Variants in PDZD4 observed in about 807,000 individuals in gnomAD.
The protein encoded by PDZD4 is PDZ domain-containing protein 4.
PDZD4 carries 9 observed loss-of-function variants against 38.5 expected under a neutral mutation model. The ratio of observed to expected loss-of-function variants is 0.23; its 90% CI spans 0.14 to 0.41. The LOEUF is 0.41. PDZD4 is among the 10% of genes least tolerant of loss of function. The pLI is 1.00. For synonymous variants in PDZD4, 349 were observed against 315.7 expected, an observed-to-expected ratio of 1.11 and a Z score of -1.12; for missense variants, 612 against 722.0, an observed-to-expected ratio of 0.85 and a Z score of 1.75.
At chrX:153,827,991 G>A (rs782240171) in intron 1 of PDZD4, among the ~76,000 whole-genome samples, 32 of 111,631 alleles carry the variant, frequency 2.9e-4, no homozygotes, top group Admixed American at 1.0e-3. Flanking sequence ...GATGGAAGGC[G>A]CTGCAGATGC....
chrX:153,804,324 C>T lies in PDZD4; in HGVS notation c.1357G>A (p.Glu453Lys). The part of the protein sequence containing the change: ...EESLYDLAAS[E>K]PKKHELSDIS... Reference sequence around the variant, plus strand: ...TCGGACAGCTCGTGCTTCTTGGGCTCGCTGGCCGCCAGGTCGTAGAGGCTC... The same window carrying T: ...TCGGACAGCTCGTGCTTCTTGGGCTTGCTGGCCGCCAGGTCGTAGAGGCTC... Residue 453 changes from glutamate to lysine, a missense_variant, in exon 8 of 8, where the codon GAG becomes AAG. Glu to Lys is a moderately conservative substitution (Grantham distance 56). Around this residue, in one of 3 missense-constraint regions of PDZD4, gnomAD observed 300 missense variants for 284.6 expected, o/e 1.05. Coordinates refer to ENST00000393758, the MANE Select transcript of PDZD4 (RefSeq NM_001303512.2). The T allele has an allele frequency of 8.3e-7, 1 of 1,207,122 alleles. No individual in the cohort carries two copies. The highest frequency in any genetic ancestry group is 3.0e-5 in the East Asian group (1 of 33,803).
intron 1 of PDZD4, among the ~76,000 whole-genome samples, chrX:153,818,980 C>T (rs1407533831): frequency 1.8e-5 from 2 of 112,536 alleles, no homozygotes; most frequent in African/African-American, 3.2e-5. Flanking sequence ...GGGCGGCGAT[C>T]TCCCGCTGGG....
In PDZD4 at chrX:153,803,845, G is replaced by A; in HGVS notation, c.1836C>T (p.Gly612=). The change falls in exon 8 of 8, where the codon GGC becomes GGT. Residue 612 remains glycine (G), a synonymous_variant. Coordinates refer to ENST00000393758, the MANE Select transcript of PDZD4 (RefSeq NM_001303512.2). ...LGHGPLSLAG[G]PRVGGVAAAA... ...CGGCCGCCACCCCGCCCACCCGAGGGCCACCGGCCAAGCTCAGGGGGCCGT... is the reference window on the plus strand; with the variant it reads ...CGGCCGCCACCCCGCCCACCCGAGGACCACCGGCCAAGCTCAGGGGGCCGT... The A allele has an allele frequency of 1.7e-6, 2 of 1,192,508 alleles. No homozygotes were observed. The highest frequency in any genetic ancestry group is 2.3e-6 in the Non-Finnish European group (2 of 888,040).
Position 153,804,690 on chromosome X carries a change from G to A in PDZD4, c.991C>T (p.Arg331Trp), listed in dbSNP as rs1557076245. 10 of 1,035,102 alleles carry A rather than the reference G, an allele frequency of 9.7e-6. No homozygotes were observed. Among genetic ancestry groups the A allele is most frequent in the East Asian group, 1.2e-4 (2 of 17,225 alleles). The allele number at this position is 1,035,102 out of a possible 1,213,427, so 85.3% of individuals were successfully genotyped here. A position where few individuals can be genotyped will look rare whatever the true frequency, so the allele number is the denominator to read the frequency against. The change falls in exon 8 of 8, where the codon CGG becomes TGG. Residue 331 changes from arginine to tryptophan, a missense_variant. Arg to Trp is a moderately radical substitution (Grantham distance 101). Coordinates refer to ENST00000393758, the MANE Select transcript of PDZD4 (RefSeq NM_001303512.2). The stretch of plus-strand genomic sequence containing the variant: ...GAGTCCATGCTGAAATGGAAGTCCC[G>A]GCTCTGCAGGGCGTCCCCTTGCAGG... ...FGLQGDALQS[R>W]DFHFSMDSLL... is the part of the protein sequence containing the mutation.
In PDZD4 at chrX:153,808,502, G is replaced by A. The variant is rs367722751; in HGVS notation, c.154C>T (p.Arg52Cys). 6.6e-6 allele frequency: 8 copies of A among 1,210,277 alleles called. No individual in the cohort carries two copies. Among genetic ancestry groups the A allele is most frequent in the Admixed American group, 2.2e-5 (1 of 46,015 alleles). ...CTGTCCCCCCGGAGGCGGGGGCTGC[G>A]TCTCAGCACCTGGATCACCAGGGGC... ...KEPLVIQVLR[R>C]SPRLRGDSSC... Residue 52 changes from arginine to cysteine, a missense_variant, in exon 2 of 8, where the codon CGC becomes TGC. Arg to Cys is a radical substitution (Grantham distance 180). Coordinates refer to ENST00000393758, the MANE Select transcript of PDZD4 (RefSeq NM_001303512.2).
chrX:153,804,918 G>A lies in PDZD4; in HGVS notation c.781-18C>T. On this transcript the variant is annotated intron_variant, in intron 7 of 7. Coordinates refer to ENST00000393758, the MANE Select transcript of PDZD4 (RefSeq NM_001303512.2). ...TTTCCGGGCTAGAGCAGAAAGGTAAGTACCGCTCAGTTAGGTCCCACGGAC... is the reference window on the plus strand; with the variant it reads ...TTTCCGGGCTAGAGCAGAAAGGTAAATACCGCTCAGTTAGGTCCCACGGAC... 8.4e-7 allele frequency: 1 copy of A among 1,190,753 alleles called. No homozygotes were observed. Among genetic ancestry groups the A allele is most frequent in the Middle Eastern group, 2.3e-4 (1 of 4,275 alleles).
chrX:153,821,654 T>C (rs782339212), intron 1 of PDZD4, among the ~76,000 whole-genome samples: 3 of 111,055 alleles, frequency 2.7e-5, no homozygotes, highest in African/African-American at 9.8e-5. Flanking sequence ...AGTGGCTCAG[T>C]CAGAAAGTGC....
At chrX:153,819,906 T>C (rs1211844409) in intron 1 of PDZD4, among the ~76,000 whole-genome samples, 1 of 112,212 alleles carries the variant, frequency 8.9e-6, no homozygotes, top group Non-Finnish European at 1.9e-5. Context: ...TACACACACA[T>C]GTGCAGAAGC....
chrX:153,808,417 T>C lies in PDZD4; in HGVS notation c.239A>G (p.His80Arg). The change falls in exon 2 of 8, where the codon CAT (histidine) becomes CGT (arginine). Residue 80 changes from histidine (H) to arginine (R), a missense_variant. His to Arg is a conservative substitution (Grantham distance 29, BLOSUM62 0). Transcript: ENST00000393758. The part of the protein sequence containing the change: ...SGTQTDITFE[H>R]IMALGKLRPP... ...ACGCAGCTTGCCCAGCGCCATGATATGCTCGAAGGTGATGTCGGTCTGAGT... is the reference window on the plus strand; with the variant it reads ...ACGCAGCTTGCCCAGCGCCATGATACGCTCGAAGGTGATGTCGGTCTGAGT... 1.7e-6 allele frequency: 2 copies of C among 1,211,091 alleles called. No individual in the cohort carries two copies.
Position 153,803,552 on chromosome X carries a change from T to C in PDZD4, c.2129A>G (p.Glu710Gly). The C allele has an allele frequency of 8.3e-7, 1 of 1,208,155 alleles. No individual in the cohort carries two copies. The highest frequency in any genetic ancestry group is 1.8e-5 in the South Asian group (1 of 56,691). ...GCCATTCTGCTGCTCCCGCAGGCAC[T>C]CCAGCCGGCTCTGCATCATGAACTC... ...RREFMMQSRL[E>G]CLREQQNGDS... is the part of the protein sequence containing the mutation. The change falls in exon 8 of 8, where the codon GAG (glutamate) becomes GGG (glycine). Residue 710 changes from glutamate (E) to glycine (G), a missense_variant. Around this residue, in one of 3 missense-constraint regions of PDZD4, gnomAD observed 87 missense variants for 126.3 expected, o/e 0.69. Coordinates refer to ENST00000393758, the MANE Select transcript of PDZD4 (RefSeq NM_001303512.2).
rs1557083508 is a variant in PDZD4, at chrX:153,830,302, G to C, written c.-4C>G. 8.3e-7 allele frequency: 1 copy of C among 1,200,285 alleles called. No individual in the cohort carries two copies. The highest frequency in any genetic ancestry group is 1.1e-6 in the Non-Finnish European group (1 of 889,748). ...CCACGCACATATTACATCCCATGTTGCTGGCCGGCGAGAGGAGGCGGAGGG... is the reference window on the plus strand; with the variant it reads ...CCACGCACATATTACATCCCATGTTCCTGGCCGGCGAGAGGAGGCGGAGGG... On this transcript the variant is annotated 5_prime_UTR_variant, in exon 1 of 8. Transcript: ENST00000393758.
chrX:153,811,440 C>T (rs782146885), intron 1 of PDZD4, among the ~76,000 whole-genome samples: 7 of 112,291 alleles, frequency 6.2e-5, no homozygotes, highest in Admixed American at 4.7e-4. Flanking sequence ...CCTGGCCATG[C>T]GGCCTGTTTC....
In PDZD4 at chrX:153,805,139, C is replaced by T. The variant is rs1557076472; in HGVS notation, c.738G>A (p.Gly246=). The T allele has an allele frequency of 8.3e-7, 1 of 1,211,592 alleles. No individual in the cohort carries two copies. Among genetic ancestry groups the T allele is most frequent in the Admixed American group, 2.2e-5 (1 of 46,081 alleles). The change falls in exon 7 of 8, where the codon GGG becomes GGA. Residue 246 remains glycine, a synonymous_variant. Coordinates refer to ENST00000393758, the MANE Select transcript of PDZD4 (RefSeq NM_001303512.2). ...FLDDFGSENE[G]ELRARKLKSP... ...ATTTCAGTTTACGAGCACGCAGCTC[C>T]CCCTCATTCTCAGAGCCAAAGTCAT...
chrX:153,810,025 G>GGGGAA (rs1223789010), intron 1 of PDZD4, among the ~76,000 whole-genome samples: 1 of 112,761 alleles, frequency 8.9e-6, no homozygotes, highest in Non-Finnish European at 1.9e-5. Flanking sequence ...AGTCCTCCTT[G>GGGGAA]GGGAAGGGAG....
Position 153,803,288 on chromosome X carries a change from A to C in PDZD4, c.*65T>G, listed in dbSNP as rs2092186217. 8 of 914,760 alleles carry C rather than the reference A, an allele frequency of 8.7e-6. No homozygotes were observed. The highest frequency in any genetic ancestry group is 1.0e-5 in the Non-Finnish European group (7 of 681,383). 75.4% of individuals were successfully genotyped at this position (914,760 alleles called of 1,213,427 possible). On this transcript the variant is annotated 3_prime_UTR_variant, in exon 8 of 8. Coordinates refer to ENST00000393758, the MANE Select transcript of PDZD4 (RefSeq NM_001303512.2). ...ACACACACACACACACAATCTCTAT[A>C]GGAGAGTGAGGGCCGGGGCCCCAGG...
In PDZD4 at chrX:153,808,402, C is replaced by T; in HGVS notation, c.254G>A (p.Gly85Asp). The T allele has an allele frequency of 8.3e-7, 1 of 1,211,124 alleles. No individual in the cohort carries two copies. The highest frequency in any genetic ancestry group is 1.1e-6 in the Non-Finnish European group (1 of 895,414). The stretch of plus-strand genomic sequence containing the variant: ...GGGCGGGGTGGGCGGACGCAGCTTG[C>T]CCAGCGCCATGATATGCTCGAAGGT... ...DITFEHIMAL[G>D]KLRPPTPPMV... The change falls in exon 2 of 8, where the codon GGC becomes GAC. Residue 85 changes from glycine (G) to aspartate (D), a missense_variant. Gly to Asp is a moderately conservative substitution (Grantham distance 94). Around this residue, in one of 3 missense-constraint regions of PDZD4, gnomAD observed 225 missense variants for 311.0 expected, o/e 0.72. Transcript: ENST00000393758.
intron 1 of PDZD4, among the ~76,000 whole-genome samples, chrX:153,809,842 A>G (rs1557078371): frequency 8.8e-6 from 1 of 113,024 alleles, no homozygotes; most frequent in Non-Finnish European, 1.9e-5. Flanking sequence ...GCCAGGGCCC[A>G]AGGCGGAAGT....
intron 1 of PDZD4, among the ~76,000 whole-genome samples, chrX:153,820,723 G>A (rs1354412258): frequency 9.0e-6 from 1 of 111,543 alleles, no homozygotes; most frequent in Non-Finnish European, 1.9e-5. Flanking sequence ...ATTCATTCCC[G>A]CGGTGAGATT....
At position 153,804,879 on chromosome X, in the gene PDZD4, CCTT is replaced by C; in HGVS notation, c.799_801del (p.Lys267del). ...AGGCCTGGGCCGGCATCGGGAGCCC[CCTT>C]CTCCTCTTCGTTTCCGGGCTAGAGC... is the stretch of plus-strand genomic sequence containing the variant. On this transcript the variant is annotated inframe_deletion, in exon 8 of 8. Transcript: ENST00000393758. 1 of 1,208,524 alleles carries C rather than the reference CCTT, an allele frequency of 8.3e-7. No individual in the cohort carries two copies.
Sources: gnomAD v4.1 joint callset for allele counts (sites outside exome capture counted in the v4.1 genomes callset) on GRCh38, gnomAD v4.1.1 for gene constraint, gnomAD v4.1.1 regional missense constraint, MANE v1.5 for transcripts, NCBI Gene and HGNC (gene_info 2026-07-23, HGNC 2026-07-21) for gene names.